CALD1: variants seen among roughly 807,000 people sequenced by gnomAD.
CALD1 encodes caldesmon.
A neutral mutation model predicts 99.9 loss-of-function variants in CALD1; 33 were observed. The ratio of observed to expected loss-of-function variants is 0.33; its 90% CI spans 0.25 to 0.44. The LOEUF (loss-of-function observed/expected upper bound fraction) is 0.44. CALD1 is among the 20% of genes least tolerant of loss of function. The pLI, the probability that CALD1 is intolerant of heterozygous loss-of-function variation, is 1.00. For synonymous variants in CALD1, 310 were observed against 325.0 expected (o/e 0.95, Z 0.50); for missense variants, 861 against 962.1 (o/e 0.89, Z 1.39).
At chr7:134,919,160 G>A (rs1303950319) in intron 3 of CALD1, among the ~76,000 whole-genome samples, 1 of 152,154 alleles carries the variant, frequency 6.6e-6, no homozygotes, top group Non-Finnish European at 1.5e-5. Context: ...ATATGTGCAT[G>A]GATTCAGAAA....
At chr7:134,913,101 C>A (rs1441202053) in intron 3 of CALD1, among the ~76,000 whole-genome samples, 1 of 152,026 alleles carries the variant, frequency 6.6e-6, no homozygotes, top group Non-Finnish European at 1.5e-5. Context: ...CCCGTCTCTA[C>A]TAAAAAAATA....
At chr7:134,865,736 C>A (rs536374183) in intron 2 of CALD1, among the ~76,000 whole-genome samples, 2 of 152,252 alleles carry the variant, frequency 1.3e-5, no homozygotes, top group African/African-American at 2.4e-5. Flanking sequence ...CTCTGCAGAC[C>A]ATGTGCATCT....
At chr7:134,927,931 A>T (rs1373018837) in intron 3 of CALD1, 1 of 147,232 alleles carries the variant, frequency 6.8e-6, no homozygotes, top group Non-Finnish European at 1.5e-5. Context: ...TTATTTAATA[A>T]TATTTATTAT....
At chr7:134,760,630 A>C (rs1329108603) in intron 1 of CALD1, among the ~76,000 whole-genome samples, 1 of 152,234 alleles carries the variant, frequency 6.6e-6, no homozygotes, top group Non-Finnish European at 1.5e-5. Flanking sequence ...AAATAAAAGG[A>C]TGATATATAA....
At chr7:134,744,237 A>G (rs1348105075), upstream of CALD1, 1 of 152,174 alleles carries the variant, frequency 6.6e-6, no homozygotes, top group East Asian at 1.9e-4. Flanking sequence ...TAGGGGAGGT[A>G]AAGTGGCTGA....
chr7:134,923,225 A>G (rs904409586), intron 3 of CALD1, among the ~76,000 whole-genome samples: 1 of 152,234 alleles, frequency 6.6e-6, no homozygotes, highest in African/African-American at 2.4e-5. Flanking sequence ...CCAAGTAACA[A>G]AGTGGAATAC....
intron 1 of CALD1, among the ~76,000 whole-genome samples, chr7:134,828,372 G>C (rs189305118): frequency 6.6e-6 from 1 of 152,312 alleles, no homozygotes; most frequent in East Asian, 1.9e-4. Context: ...CTAGACCAAA[G>C]TCAGATTTTT....
the CALD1 span, among the ~76,000 whole-genome samples, chr7:134,737,602 G>A: frequency 0.23 from 34,947 of 151,998 alleles, 5,391 homozygotes; most frequent in African/African-American, 0.43. Flanking sequence ...TATCTTTTAT[G>A]TTGTTGTTCT....
chr7:134,721,351 G>A, the CALD1 span, among the ~76,000 whole-genome samples: 3 of 149,342 alleles, frequency 2.0e-5, no homozygotes, highest in Non-Finnish European at 4.4e-5. Flanking sequence ...AAAAAAGGAT[G>A]GGGTACTTCA....
At chr7:134,889,566 G>A (rs1802042049) in intron 3 of CALD1, among the ~76,000 whole-genome samples, 1 of 152,138 alleles carries the variant, frequency 6.6e-6, no homozygotes, top group Non-Finnish European at 1.5e-5. Flanking sequence ...ACCTACCATA[G>A]AAAACCACCG....
chr7:134,820,797 C>T (rs185397931), intron 1 of CALD1, among the ~76,000 whole-genome samples: 2 of 152,130 alleles, frequency 1.3e-5, no homozygotes, highest in African/African-American at 4.8e-5. Flanking sequence ...AAGGGGTGGT[C>T]GTGGACTGTA....
At chr7:134,852,084 G>A (rs756186755) in intron 2 of CALD1, among the ~76,000 whole-genome samples, 9 of 152,194 alleles carry the variant, frequency 5.9e-5, no homozygotes, top group Non-Finnish European at 8.8e-5. Flanking sequence ...ACTTGGTCAA[G>A]AGAAAGTGAT....
intron 3 of CALD1, among the ~76,000 whole-genome samples, chr7:134,898,112 T>G (rs957686486): frequency 3.3e-5 from 5 of 151,976 alleles, no homozygotes; most frequent in Non-Finnish European, 7.4e-5. Context: ...TAAGAAAAGT[T>G]TTTTTGGATG....
intron 1 of CALD1, among the ~76,000 whole-genome samples, chr7:134,773,434 C>T (rs1020337273): frequency 1.1e-4 from 16 of 152,182 alleles, no homozygotes; most frequent in Middle Eastern, 3.4e-3. Flanking sequence ...CCACCATGCT[C>T]AGCTAATTTT....
At chr7:134,903,893 TTGTAA>T (rs1803177898) in intron 3 of CALD1, among the ~76,000 whole-genome samples, 3 of 152,028 alleles carry the variant, frequency 2.0e-5, no homozygotes, top group Non-Finnish European at 1.5e-5. Context: ...GATTTAAAAA[TTGTAA>T]TGTGCAGTTT....
chr7:134,731,540 G>A, the CALD1 span, among the ~76,000 whole-genome samples: 1 of 152,112 alleles, frequency 6.6e-6, no homozygotes, highest in Non-Finnish European at 1.5e-5. Flanking sequence ...TGCTTTACAT[G>A]ATTGACCCTG....
rs571928845 is a variant in CALD1 at position 134,822,681 on chromosome 7, A to C, written c.-129-21203A>C. Among the ~76,000 whole-genome samples the C allele has an allele frequency of 5.8e-4, 89 of 152,300 alleles. 1 individual carries two copies. Among genetic ancestry groups the C allele is most frequent in the African/African-American group, 2.0e-3 (82 of 41,560 alleles). On this transcript the variant is annotated intron_variant, in intron 1 of 14. Transcript: ENST00000361675. ...TACTTCCTTGTATAAAAATATTTTA[A>C]ATTTCTAAAACCTCTCATCTTACCA...
rs567424824 is a variant in CALD1, at chr7:134,897,114, G to A, written c.71+29310G>A. 2.6e-5 allele frequency among the ~76,000 whole-genome samples: 4 copies of A among 152,154 alleles called. No individual in the cohort carries two copies. In the South Asian group the frequency reaches 8.3e-4, roughly 32 times the overall value. ...TTTAAGAGGAGTCCTTAGAAAATCTGTAAACCTCATTCATTTCCAGTCATT... is the reference window on the plus strand; with the variant it reads ...TTTAAGAGGAGTCCTTAGAAAATCTATAAACCTCATTCATTTCCAGTCATT... On this transcript the variant is annotated intron_variant, in intron 3 of 14. Coordinates refer to ENST00000361675, the MANE Select transcript of CALD1 (RefSeq NM_033138.4).
intron 1 of CALD1, among the ~76,000 whole-genome samples, chr7:134,831,076 A>AGAG (rs1799198442): frequency 6.6e-6 from 1 of 152,154 alleles, no homozygotes; most frequent in Non-Finnish European, 1.5e-5. Context: ...AACCTGAAAT[A>AGAG]CTCTCAGTGT....
Sources: gnomAD v4.1 joint callset for allele counts (sites outside exome capture counted in the v4.1 genomes callset) on GRCh38, gnomAD v4.1.1 for gene constraint, MANE v1.5 for transcripts, NCBI Gene and HGNC (gene_info 2026-07-23, HGNC 2026-07-21) for gene names.